ATRN: variants seen among roughly 807,000 people sequenced by gnomAD.
The protein encoded by ATRN is attractin.
In ATRN, 54 loss-of-function variants were observed where a neutral mutation model predicts 178.7. That is an observed-to-expected ratio of 0.30 (90% CI 0.24 to 0.38). The LOEUF is 0.38. ATRN is among the 10% of genes least tolerant of loss of function. ATRN has a pLI of 1.00. For missense variants in ATRN, 1,443 were observed against 1,815.1 expected (o/e 0.79, Z 3.73); for synonymous variants, 636 against 663.0 (o/e 0.96, Z 0.63).
intron 24 of ATRN, among the ~76,000 whole-genome samples, chr20:3,612,149 C>T (rs1413363920): frequency 6.6e-6 from 1 of 152,072 alleles, no homozygotes; most frequent in Non-Finnish European, 1.5e-5. Context: ...ATAAATGATG[C>T]TACATACACA....
chr20:3,581,687 C>T (rs1900056787), intron 15 of ATRN, among the ~76,000 whole-genome samples: 2 of 152,166 alleles, frequency 1.3e-5, no homozygotes, highest in African/African-American at 4.8e-5. Flanking sequence ...ATTAGGGATA[C>T]TCAGCCTGTG....
chr20:3,632,763 TA>T lies in ATRN; in HGVS notation c.3864-1545del, dbSNP rs551298671. Among the ~76,000 whole-genome samples, 236 of 152,352 alleles carry T rather than the reference TA, an allele frequency of 1.5e-3. 2 individuals are homozygous for T. Among genetic ancestry groups the T allele is most frequent in the South Asian group, 6.2e-3 (30 of 4,830 alleles). On this transcript the variant is annotated intron_variant, in intron 25 of 28. Coordinates refer to ENST00000262919, the MANE Select transcript of ATRN (RefSeq NM_139321.3). The surrounding 1 kb of genome is among the most constrained non-coding windows in gnomAD (Gnocchi z 4.2). ...CTGTTTGTCTCCACCTGCTGGAATGTAAATTCCATGGGACAGTAATCTTTGC... is the reference window on the plus strand; with the variant it reads ...CTGTTTGTCTCCACCTGCTGGAATGTAATTCCATGGGACAGTAATCTTTGC...
chr20:3,531,859 A>G (rs2085458068), intron 1 of ATRN, among the ~76,000 whole-genome samples: 1 of 152,232 alleles, frequency 6.6e-6, no homozygotes, highest in Admixed American at 6.5e-5. Context: ...ATTATCTGTA[A>G]AATTATATAA....
At chr20:3,541,271 G>A (rs934148346) in intron 3 of ATRN, among the ~76,000 whole-genome samples, 3 of 151,162 alleles carry the variant, frequency 2.0e-5, no homozygotes, top group Admixed American at 6.6e-5. Context: ...TAGAGACGGG[G>A]TTTCACCGTG....
At chr20:3,527,228 G>GA (rs983983767) in intron 1 of ATRN, among the ~76,000 whole-genome samples, 3 of 151,808 alleles carry the variant, frequency 2.0e-5, no homozygotes, top group Admixed American at 1.3e-4. Flanking sequence ...AAATTTACAA[G>GA]AAAAAAAGCA....
At chr20:3,505,484 T>C (rs1214863547) in intron 1 of ATRN, among the ~76,000 whole-genome samples, 3 of 152,232 alleles carry the variant, frequency 2.0e-5, no homozygotes, top group African/African-American at 7.2e-5. Flanking sequence ...GTGAGCCAAT[T>C]TCCTTAATAA....
At chr20:3,528,060 A>G (rs1020428611) in intron 1 of ATRN, among the ~76,000 whole-genome samples, 4 of 151,964 alleles carry the variant, frequency 2.6e-5, no homozygotes, top group Admixed American at 2.6e-4. Context: ...CCAGAACTTA[A>G]AGTATAAAAA....
rs754545512 is a variant in ATRN, at chr20:3,624,496, G to T, written c.3802-15G>T. On this transcript the variant is annotated splice_polypyrimidine_tract_variant and intron_variant, in intron 24 of 28. Transcript: ENST00000262919. ...CATGACCTGCATAATCACACTACCT[G>T]TTTTTCTGTCACAGATTGCCTTCTC... The T allele has an allele frequency of 1.9e-5, 30 of 1,610,940 alleles. No homozygotes were observed. The East Asian group carries it at 4.9e-4, about 26-fold the overall frequency.
intron 16 of ATRN, among the ~76,000 whole-genome samples, chr20:3,583,304 G>C (rs1378449226): frequency 1.3e-5 from 2 of 152,170 alleles, no homozygotes; most frequent in Admixed American, 1.3e-4. Flanking sequence ...TTCATCCTGG[G>C]TCCCCAAATT....
chr20:3,560,865 T>C lies in ATRN; in HGVS notation c.1407T>C (p.Pro469=). Residue 469 remains proline (P), a synonymous_variant, in exon 8 of 29, where the codon CCT becomes CCC. Transcript: ENST00000262919. ...TGCTGGTCATCTTTGGTCACTGCCC[T>C]CTCTATGGATATATAAGCAATGTGC... is the stretch of plus-strand genomic sequence containing the variant. ...VVMLVIFGHC[P]LYGYISNVQE... is the part of the protein sequence containing the mutation. The C allele has an allele frequency of 6.2e-7, 1 of 1,614,178 alleles. No homozygotes were observed. Among genetic ancestry groups the C allele is most frequent in the South Asian group, 1.1e-5 (1 of 91,086 alleles).
chr20:3,560,540 TA>T (rs2085936636), intron 7 of ATRN, 121 bp from the exon 8 acceptor site: 2 of 816,558 alleles, frequency 2.4e-6, no homozygotes, highest in Non-Finnish European at 3.8e-6. Flanking sequence ...AGGGTAGTTC[TA>T]TTTTTAGTTT....
chr20:3,596,772 G>A (rs1177090565), intron 21 of ATRN, among the ~76,000 whole-genome samples: 1 of 152,028 alleles, frequency 6.6e-6, no homozygotes, highest in Non-Finnish European at 1.5e-5. Context: ...TTAGGATGTA[G>A]ATCAAAAACA....
chr20:3,551,326 C>CTGGA (rs1186000234), intron 6 of ATRN, among the ~76,000 whole-genome samples: 1 of 152,190 alleles, frequency 6.6e-6, no homozygotes, highest in Non-Finnish European at 1.5e-5. Flanking sequence ...TGCTGACTGG[C>CTGGA]TGGATGGAGG....
At chr20:3,510,110 C>T (rs1331111437) in intron 1 of ATRN, among the ~76,000 whole-genome samples, 2 of 152,242 alleles carry the variant, frequency 1.3e-5, no homozygotes, top group Admixed American at 1.3e-4. Context: ...TTTTTACCTT[C>T]AATATATTTG....
intron 1 of ATRN, among the ~76,000 whole-genome samples, chr20:3,471,888 C>G (rs1403401691): frequency 3.3e-5 from 5 of 152,234 alleles, no homozygotes; most frequent in Non-Finnish European, 7.3e-5. Flanking sequence ...TGCTTGAACA[C>G]TTCCTTTTAA....
At chr20:3,627,236 A>T (rs1338917548) in intron 25 of ATRN, among the ~76,000 whole-genome samples, 5 of 152,164 alleles carry the variant, frequency 3.3e-5, no homozygotes, top group African/African-American at 4.8e-5. Context: ...ACCTAGAATC[A>T]CTTGCGGAGC....
intron 1 of ATRN, among the ~76,000 whole-genome samples, chr20:3,477,947 A>G (rs1166866886): frequency 6.6e-6 from 1 of 152,150 alleles, no homozygotes; most frequent in Non-Finnish European, 1.5e-5. Flanking sequence ...TTCTATCCTC[A>G]TTGAAAAAAA....
intron 18 of ATRN, among the ~76,000 whole-genome samples, chr20:3,590,771 C>G (rs1236481173): frequency 6.6e-6 from 1 of 151,904 alleles, no homozygotes; most frequent in Non-Finnish European, 1.5e-5. Flanking sequence ...CATAATTGTG[C>G]AAATTATGTT....
intron 1 of ATRN, among the ~76,000 whole-genome samples, chr20:3,530,638 G>T (rs1600079798): frequency 6.6e-6 from 1 of 151,854 alleles, no homozygotes; most frequent in Non-Finnish European, 1.5e-5. Context: ...CGAGTATAAG[G>T]AATTGAATAG....
Sources: allele counts gnomAD v4.1 joint callset (sites outside exome capture counted in the v4.1 genomes callset), GRCh38; gene constraint gnomAD v4.1.1; non-coding constraint Gnocchi (gnomAD v3.1); transcripts MANE v1.5; gene names NCBI Gene and HGNC (gene_info 2026-07-23, HGNC 2026-07-21).